CIMIP5: variants seen among roughly 807,000 people sequenced by gnomAD.
CIMIP5 encodes the protein uncharacterized protein C2orf50.
chr2:11,152,140 A>G, the CIMIP5 span, among the ~76,000 whole-genome samples: 1 of 152,250 alleles, frequency 6.6e-6, no homozygotes, highest in Admixed American at 6.5e-5. Flanking sequence ...CAGGGGCTGC[A>G]AAATACCTCA....
the CIMIP5 span, chr2:11,140,383 A>G: frequency 5.2e-6 from 3 of 580,516 alleles, no homozygotes; most frequent in East Asian, 6.8e-5. Context: ...TTAAAAAAAA[A>G]AAAAAAAAAA....
At chr2:11,143,990 C>T in the CIMIP5 span, 556 of 1,607,268 alleles carry the variant, frequency 3.5e-4, 7 homozygotes, top group African/African-American at 6.1e-3. Flanking sequence ...CCCAGTTCCA[C>T]GAACCAGGTT....
chr2:11,151,930 C>T, the CIMIP5 span, among the ~76,000 whole-genome samples: 2 of 152,228 alleles, frequency 1.3e-5, no homozygotes, highest in East Asian at 1.9e-4. Context: ...CACCGCGCTC[C>T]GACTGGGGAT....
chr2:11,148,278 C>T, the CIMIP5 span, among the ~76,000 whole-genome samples: 49 of 152,110 alleles, frequency 3.2e-4, no homozygotes, highest in African/African-American at 1.0e-3. Flanking sequence ...CCACCACACC[C>T]GGCTAATTTT....
the CIMIP5 span, chr2:11,133,317 C>G: frequency 6.4e-7 from 1 of 1,572,920 alleles, no homozygotes. Flanking sequence ...AGCGCACACA[C>G]ACACACACAC....
the CIMIP5 span, among the ~76,000 whole-genome samples, chr2:11,151,956 T>A: frequency 6.6e-6 from 1 of 152,246 alleles, no homozygotes; most frequent in Non-Finnish European, 1.5e-5. Flanking sequence ...TTTTTAAAGA[T>A]AATTTGGCCA....
the CIMIP5 span, among the ~76,000 whole-genome samples, chr2:11,149,645 T>G: frequency 1.3e-5 from 2 of 152,082 alleles, no homozygotes; most frequent in Non-Finnish European, 2.9e-5. Flanking sequence ...AAGTCAAGGC[T>G]GCAGTGATTT....
the CIMIP5 span, among the ~76,000 whole-genome samples, chr2:11,136,721 A>T: frequency 6.6e-6 from 1 of 152,212 alleles, no homozygotes; most frequent in African/African-American, 2.4e-5. Context: ...ATTAAAAGTC[A>T]TTTAATTGTG....
chr2:11,137,507 A>C, the CIMIP5 span, among the ~76,000 whole-genome samples: 1 of 152,232 alleles, frequency 6.6e-6, no homozygotes, highest in Admixed American at 6.5e-5. Flanking sequence ...AGAAAACACA[A>C]ATGACGAATT....
chr2:11,143,102 C>T, the CIMIP5 span, among the ~76,000 whole-genome samples: 143 of 152,230 alleles, frequency 9.4e-4, no homozygotes, highest in Middle Eastern at 3.4e-3. Flanking sequence ...CTCATAAAAG[C>T]CCCAAACTAG....
chr2:11,139,853 A>G, the CIMIP5 span, among the ~76,000 whole-genome samples: 141,580 of 151,954 alleles, frequency 0.93, 66,021 homozygotes, highest in East Asian at 1. Flanking sequence ...TTGGGAGGCC[A>G]AGGTGGGTGG....
At chr2:11,140,597 C>T in the CIMIP5 span, 3 of 1,391,958 alleles carry the variant, frequency 2.2e-6, no homozygotes, top group African/African-American at 1.4e-5. Context: ...TTGAATATTA[C>T]TCATTCTTTC....
the CIMIP5 span, chr2:11,133,473 C>T: frequency 1.2e-6 from 2 of 1,608,520 alleles, no homozygotes; most frequent in East Asian, 2.2e-5. Flanking sequence ...TGGTGGCTGC[C>T]AGGCCCCCCA....
the CIMIP5 span, among the ~76,000 whole-genome samples, chr2:11,154,046 G>A: frequency 6.6e-6 from 1 of 151,978 alleles, no homozygotes; most frequent in Non-Finnish European, 1.5e-5. Context: ...GCGCGATCTC[G>A]ACTCACTGCA....
chr2:11,133,268 AGCTCAG>A, the CIMIP5 span: 11 of 1,497,208 alleles, frequency 7.3e-6, no homozygotes, highest in Middle Eastern at 1.8e-4. Flanking sequence ...GTTTGAGCTG[AGCTCAG>A]GCACAGGTCT....
the CIMIP5 span, chr2:11,133,279 A>G: frequency 7.6e-7 from 1 of 1,314,536 alleles, no homozygotes; most frequent in Non-Finnish European, 1.0e-6. Flanking sequence ...GCTCAGGCAC[A>G]GGTCTCTCTC....
At chr2:11,153,326 G>A in the CIMIP5 span, among the ~76,000 whole-genome samples, 4 of 152,190 alleles carry the variant, frequency 2.6e-5, no homozygotes, top group African/African-American at 9.7e-5. Flanking sequence ...GGTCCTGGGG[G>A]CACTCATACC....
At chr2:11,135,329 G>C in the CIMIP5 span, among the ~76,000 whole-genome samples, 2 of 152,186 alleles carry the variant, frequency 1.3e-5, no homozygotes, top group Non-Finnish European at 2.9e-5. Flanking sequence ...CAGTATCTCA[G>C]CATTTCAGTT....
the CIMIP5 span, among the ~76,000 whole-genome samples, chr2:11,139,838 G>A: frequency 1.3e-5 from 2 of 152,178 alleles, no homozygotes; most frequent in Admixed American, 6.5e-5. Context: ...TGTAATCCCA[G>A]CACTTTGGGA....
Sources: gnomAD v4.1 joint callset for allele counts (sites outside exome capture counted in the v4.1 genomes callset) on GRCh38, gnomAD v4.1.1 for gene constraint, MANE v1.5 for transcripts, NCBI Gene and HGNC (gene_info 2026-07-23, HGNC 2026-07-21) for gene names.